HEATR3: variants seen among roughly 807,000 people sequenced by gnomAD.
The protein encoded by HEATR3 is HEAT repeat-containing protein 3.
HEATR3 carries 56 observed loss-of-function variants against 72.8 expected under a neutral mutation model. The ratio of observed to expected loss-of-function variants is 0.77; its 90% confidence interval spans 0.62 to 0.96. The LOEUF is 0.96. Ranked by LOEUF, HEATR3 falls within the 40% of genes least tolerant of loss-of-function variation. The pLI, the probability that HEATR3 is intolerant of heterozygous loss-of-function variation, is 0.00. For synonymous variants in HEATR3, 331 were observed against 318.1 expected, an observed-to-expected ratio of 1.04 and a Z score of -0.43; for missense variants, 747 against 831.4, an observed-to-expected ratio of 0.90 and a Z score of 1.25.
chr16:50,100,366 C>G lies in HEATR3; in HGVS notation c.1736C>G (p.Thr579Ser). 1 of 1,613,790 alleles carries G rather than the reference C, an allele frequency of 6.2e-7. No homozygotes were observed. The highest frequency in any genetic ancestry group is 2.2e-5 in the East Asian group (1 of 44,874). ...VLAKEDGTLE[T>S]LKNIGCFLLE... ...GCCAAAGAAGATGGTACACTTGAAACTCTTAAGGTAAAACAATTTGCTTCT... is the reference window on the plus strand; with the variant it reads ...GCCAAAGAAGATGGTACACTTGAAAGTCTTAAGGTAAAACAATTTGCTTCT... Residue 579 changes from threonine to serine, a missense_variant, in exon 13 of 15, where the codon ACT becomes AGT. Thr to Ser is a moderately conservative substitution (Grantham distance 58). This residue lies in a region of HEATR3 where 586 missense variants were observed against 708.8 expected (regional missense o/e 0.83). Transcript: ENST00000299192.
chr16:50,082,499 A>G (rs1028148786), intron 7 of HEATR3, among the ~76,000 whole-genome samples: 1 of 152,114 alleles, frequency 6.6e-6, no homozygotes, highest in South Asian at 2.1e-4. Flanking sequence ...AATGATTTTT[A>G]TATAGGTTCT....
intron 1 of HEATR3, 40 bp from the exon 2 acceptor site, chr16:50,066,327 G>C: frequency 6.4e-7 from 1 of 1,562,862 alleles, no homozygotes; most frequent in South Asian, 1.2e-5. Context: ...GCGCGCGTGC[G>C]CATTGCGCGC....
At chr16:50,101,651 G>A (rs2037368191) in intron 13 of HEATR3, among the ~76,000 whole-genome samples, 1 of 152,166 alleles carries the variant, frequency 6.6e-6, no homozygotes, top group African/African-American at 2.4e-5. Flanking sequence ...GGATTTGTCT[G>A]ATTGCTACCT....
intron 11 of HEATR3, 30 bp downstream of exon 11, chr16:50,086,381 C>G: frequency 6.3e-7 from 1 of 1,584,640 alleles, no homozygotes; most frequent in Middle Eastern, 1.8e-4. Context: ...AAAGACTACG[C>G]AGACGGAACA....
chr16:50,077,748 T>C (rs916524830), intron 6 of HEATR3, among the ~76,000 whole-genome samples: 5 of 152,200 alleles, frequency 3.3e-5, no homozygotes, highest in African/African-American at 1.2e-4. Flanking sequence ...TCCTTCCTTT[T>C]TAATGCTGAA....
intron 12 of HEATR3, among the ~76,000 whole-genome samples, 190 bp from the exon 13 acceptor site, chr16:50,100,040 T>G: frequency 6.6e-6 from 1 of 152,180 alleles, no homozygotes; most frequent in East Asian, 1.9e-4. Flanking sequence ...AGGGTTCACC[T>G]TAGTTCAGAA....
rs2036551928 is a variant in HEATR3, at chr16:50,068,787, A to T, written c.319A>T (p.Ser107Cys). Residue 107 changes from serine to cysteine, a missense_variant, in exon 3 of 15, where the codon AGT (serine) becomes TGT (cysteine). By Grantham distance (112) the Ser-to-Cys change is moderately radical. Coordinates refer to ENST00000299192, the MANE Select transcript of HEATR3 (RefSeq NM_182922.4). Reference protein sequence around the residue: ...ETAAGALRNLSACGGFEVCDD... With the variant: ...ETAAGALRNLCACGGFEVCDD... ...TTTAAACTTCTTGTGTAGAAATCTCAGTGCTTGTGGAGGTTTTGAAGTTTG... is the reference window on the plus strand; with the variant it reads ...TTTAAACTTCTTGTGTAGAAATCTCTGTGCTTGTGGAGGTTTTGAAGTTTG... 3.7e-6 allele frequency: 6 copies of T among 1,612,840 alleles called. 1 individual carries two copies. The highest frequency in any genetic ancestry group is 5.1e-6 in the Non-Finnish European group (6 of 1,179,058).
intron 3 of HEATR3, among the ~76,000 whole-genome samples, 174 bp from the exon 4 acceptor site, chr16:50,070,004 A>G (rs777888271): frequency 1.3e-5 from 2 of 152,170 alleles, no homozygotes; most frequent in African/African-American, 4.8e-5. Context: ...CTTTTATTAC[A>G]TTTATTAGGT....
At chr16:50,069,578 C>G (rs1366700670) in intron 3 of HEATR3, among the ~76,000 whole-genome samples, 4 of 152,076 alleles carry the variant, frequency 2.6e-5, no homozygotes, top group African/African-American at 9.7e-5. Context: ...GGGTAGAGGC[C>G]AGGGATGCTG....
Position 50,086,364 on chromosome 16 carries a change from T to C in HEATR3, c.1510+13T>C, listed in dbSNP as rs781560665. The C allele has an allele frequency of 1.9e-6, 3 of 1,602,162 alleles. No homozygotes were observed. Among genetic ancestry groups the C allele is most frequent in the Admixed American group, 1.7e-5 (1 of 57,650 alleles). ...TTTTCTCAACCAGGTATTTAGACTT[T>C]ATTGCGAAAGACTACGCAGACGGAA... On this transcript the variant is annotated intron_variant, in intron 11 of 14. Coordinates refer to ENST00000299192, the MANE Select transcript of HEATR3 (RefSeq NM_182922.4).
At chr16:50,099,952 G>A (rs896534915) in intron 12 of HEATR3, among the ~76,000 whole-genome samples, 12 of 152,158 alleles carry the variant, frequency 7.9e-5, no homozygotes, top group Admixed American at 7.9e-4. Context: ...TCTCTTTAGT[G>A]TGTGTACATC....
chr16:50,097,131 ATAATT>A (rs1177594795), intron 12 of HEATR3, among the ~76,000 whole-genome samples: 1 of 152,070 alleles, frequency 6.6e-6, no homozygotes, highest in Non-Finnish European at 1.5e-5. Flanking sequence ...TTTGGCAAGA[ATAATT>A]TATAGTGCTT....
Position 50,070,258 on chromosome 16 carries a change from C to T in HEATR3, c.480C>T (p.Ala160=), listed in dbSNP as rs1453153320. The T allele has an allele frequency of 1.9e-6, 3 of 1,602,578 alleles. No homozygotes were observed. The highest frequency in any genetic ancestry group is 2.7e-5 in the African/African-American group (2 of 74,696). The part of the protein sequence containing the change: ...DQNRNSIENI[A]NETVNVLWNI... ...ACAGAAATTCTATTGAGAACATAGCCAATGAGACTGTGAACGTGCTGTGGA... is the reference window on the plus strand; with the variant it reads ...ACAGAAATTCTATTGAGAACATAGCTAATGAGACTGTGAACGTGCTGTGGA... The change falls in exon 4 of 15, where the codon GCC becomes GCT. Residue 160 remains alanine (A), a synonymous_variant. Coordinates refer to ENST00000299192, the MANE Select transcript of HEATR3 (RefSeq NM_182922.4).
rs904242883 is a variant in HEATR3 at position 50,066,431 on chromosome 16, A to G, written c.203A>G (p.Gln68Arg). The part of the protein sequence containing the change: ...ACAGLARLVQ[Q>R]RPALPGLARR... Reference sequence around the variant, plus strand: ...GCAGGGCTGGCCCGGCTGGTGCAGCAGCGGCCGGCACTCCCGGGCCTGGCG... The same window carrying G: ...GCAGGGCTGGCCCGGCTGGTGCAGCGGCGGCCGGCACTCCCGGGCCTGGCG... Residue 68 changes from glutamine to arginine, a missense_variant, in exon 2 of 15, where the codon CAG becomes CGG. Physicochemically the swap from Gln to Arg is conservative, Grantham distance 43. Coordinates refer to ENST00000299192, the MANE Select transcript of HEATR3 (RefSeq NM_182922.4). 2.0e-6 allele frequency: 3 copies of G among 1,466,336 alleles called. No individual in the cohort carries two copies. Among genetic ancestry groups the G allele is most frequent in the Non-Finnish European group, 2.7e-6 (3 of 1,121,872 alleles). 90.8% of individuals were successfully genotyped at this position (1,466,336 alleles called of 1,614,324 possible). A position where few individuals can be genotyped will look rare whatever the true frequency, so the allele number is the denominator to read the frequency against.
At chr16:50,073,594 TGAG>T (rs1427761440) in intron 5 of HEATR3, 1 of 152,150 alleles carries the variant, frequency 6.6e-6, no homozygotes, top group Non-Finnish European at 1.5e-5. Context: ...TGGAGAGTTG[TGAG>T]TAAATGGGGA....
chr16:50,066,006 T>C lies in HEATR3; in HGVS notation c.-126T>C, dbSNP rs113477913. ...CGTGCGCCTGCGCACGGCTTGCCCA[T>C]GTGTGCTGCAGCCGTCAGCCGGCCC... On this transcript the variant is annotated 5_prime_UTR_variant, in exon 1 of 15. It removes an upstream start codon present in the reference 5' UTR. Transcript: ENST00000299192. 4.5e-6 allele frequency: 3 copies of C among 664,172 alleles called. No homozygotes were observed. Among genetic ancestry groups the C allele is most frequent in the African/African-American group, 2.5e-5 (1 of 40,558 alleles). The allele number at this position is 664,172 out of a possible 1,614,324, so 41.1% of individuals were successfully genotyped here.
rs143494275 is a variant in HEATR3, at chr16:50,078,850, G to C, written c.873G>C (p.Met291Ile). Reference protein sequence around the residue: ...SEVLGMDAGEMVIQMKEAETQ... With the variant: ...SEVLGMDAGEIVIQMKEAETQ... Reference sequence around the variant, plus strand: ...TTTTGGGAATGGATGCTGGTGAAATGGTTATTCAAATGAAAGAGGCTGAAA... The same window carrying C: ...TTTTGGGAATGGATGCTGGTGAAATCGTTATTCAAATGAAAGAGGCTGAAA... Residue 291 changes from methionine to isoleucine, a missense_variant, in exon 7 of 15, where the codon ATG becomes ATC. Transcript: ENST00000299192. 240 of 1,614,062 alleles carry C rather than the reference G, an allele frequency of 1.5e-4. No homozygotes were observed. The African/African-American group carries it at 2.6e-3, about 18-fold the overall frequency.
intron 2 of HEATR3, among the ~76,000 whole-genome samples, chr16:50,067,847 G>T (rs1220166860): frequency 6.6e-6 from 1 of 152,154 alleles, no homozygotes; most frequent in Non-Finnish European, 1.5e-5. Context: ...AATGAGCAAG[G>T]CAATGTCTCT....
intron 13 of HEATR3, among the ~76,000 whole-genome samples, chr16:50,101,119 C>CTT (rs200604017): frequency 8.9e-6 from 1 of 112,776 alleles, no homozygotes. Context: ...TTTTTTTTTT[C>CTT]TTTTTTTTTC....
Sources: allele counts gnomAD v4.1 joint callset (sites outside exome capture counted in the v4.1 genomes callset), GRCh38; gene constraint gnomAD v4.1.1; regional missense constraint gnomAD v4.1.1; transcripts MANE v1.5; gene names NCBI Gene and HGNC (gene_info 2026-07-23, HGNC 2026-07-21).